NARS2: variants seen among roughly 807,000 people sequenced by gnomAD.
NARS2 encodes asparaginyl-tRNA synthetase.
Under a neutral mutation model 62.9 loss-of-function variants are expected in NARS2, and 60 were observed. That is an observed-to-expected ratio of 0.95 (90% CI 0.77 to 1.18). The LOEUF is 1.18. Ranked by LOEUF, NARS2 falls within the 50% of genes most tolerant of loss-of-function variation. The pLI, the probability that NARS2 is intolerant of heterozygous loss-of-function variation, is 0.00. For missense variants in NARS2, 619 were observed against 576.4 expected (o/e 1.07, Z -0.76); for synonymous variants, 196 against 200.0 (o/e 0.98, Z 0.17).
At chr11:78,546,226 G>A (rs147042031) in intron 5 of NARS2, among the ~76,000 whole-genome samples, 1,580 of 152,296 alleles carry the variant, frequency 0.01, 12 homozygotes, top group Middle Eastern at 0.044. Flanking sequence ...GTGTAGCCAG[G>A]TATCTCTGTC....
At chr11:78,462,219 G>T (rs543896635) in intron 11 of NARS2, among the ~76,000 whole-genome samples, 24 of 152,242 alleles carry the variant, frequency 1.6e-4, no homozygotes, top group African/African-American at 5.8e-4. Context: ...GAATTGGAAT[G>T]GGCTGGAGTG....
chr11:78,512,695 T>C (rs1860761433), intron 6 of NARS2, among the ~76,000 whole-genome samples: 1 of 152,228 alleles, frequency 6.6e-6, no homozygotes, highest in Admixed American at 6.5e-5. Flanking sequence ...CATAACATTA[T>C]CTTAGTAGCT....
At chr11:78,542,558 C>T (rs1342894169) in intron 5 of NARS2, among the ~76,000 whole-genome samples, 2 of 152,106 alleles carry the variant, frequency 1.3e-5, no homozygotes, top group African/African-American at 4.8e-5. Flanking sequence ...GAAGGGATAC[C>T]TATGCTCCAG....
intron 6 of NARS2, among the ~76,000 whole-genome samples, chr11:78,519,486 T>C (rs559704781): frequency 2.0e-5 from 3 of 152,340 alleles, no homozygotes; most frequent in East Asian, 3.9e-4. Context: ...AATATTGTTA[T>C]ATATTCTTCC....
At chr11:78,538,426 A>G (rs1855458944) in intron 5 of NARS2, among the ~76,000 whole-genome samples, 1 of 152,178 alleles carries the variant, frequency 6.6e-6, no homozygotes, top group African/African-American at 2.4e-5. Context: ...AATGGGGAAA[A>G]AAGAAAATAA....
chr11:78,557,880 T>G (rs951745783), intron 5 of NARS2, among the ~76,000 whole-genome samples: 1 of 150,058 alleles, frequency 6.7e-6, no homozygotes, highest in Non-Finnish European at 1.5e-5. Context: ...GCTTATGGGA[T>G]TTCCCTGGTA....
chr11:78,529,489 C>T (rs1275732333), intron 5 of NARS2, among the ~76,000 whole-genome samples: 1 of 152,066 alleles, frequency 6.6e-6, no homozygotes, highest in Non-Finnish European at 1.5e-5. Context: ...TTAAAAGATA[C>T]ACTGAGCAAC....
chr11:78,456,970 C>A (rs1858187410), intron 11 of NARS2, among the ~76,000 whole-genome samples: 1 of 152,210 alleles, frequency 6.6e-6, no homozygotes, highest in Non-Finnish European at 1.5e-5. Flanking sequence ...ACTTAGGCTA[C>A]AGGAAATCAG....
At chr11:78,482,699 T>C (rs747896376) in intron 7 of NARS2, among the ~76,000 whole-genome samples, 2 of 151,980 alleles carry the variant, frequency 1.3e-5, no homozygotes, top group Non-Finnish European at 2.9e-5. Context: ...CAGGAAGAAG[T>C]CCAATCCCTG....
intron 5 of NARS2, among the ~76,000 whole-genome samples, chr11:78,541,521 G>C (rs971080847): frequency 1.3e-5 from 2 of 151,924 alleles, no homozygotes; most frequent in East Asian, 3.9e-4. Flanking sequence ...TTTAATATTA[G>C]TCTCTCCTAA....
chr11:78,513,537 G>A (rs1860794777), intron 6 of NARS2, among the ~76,000 whole-genome samples: 1 of 151,992 alleles, frequency 6.6e-6, no homozygotes, highest in African/African-American at 2.4e-5. Context: ...CAGCACTTAG[G>A]GAAGCCGAGG....
intron 5 of NARS2, among the ~76,000 whole-genome samples, chr11:78,547,389 T>C (rs552120435): frequency 1.3e-5 from 2 of 152,150 alleles, no homozygotes; most frequent in South Asian, 4.1e-4. Context: ...CATACTATCA[T>C]GTAACAGGAA....
At chr11:78,508,893 TCA>T (rs1003592236) in intron 6 of NARS2, among the ~76,000 whole-genome samples, 1 of 151,808 alleles carries the variant, frequency 6.6e-6, no homozygotes, top group African/African-American at 2.4e-5. Context: ...GGTGGGAGGA[TCA>T]CTTGAGGCAC....
intron 11 of NARS2, among the ~76,000 whole-genome samples, chr11:78,463,764 TGAGA>T (rs781277689): frequency 6.6e-5 from 8 of 121,736 alleles, no homozygotes; most frequent in African/African-American, 1.6e-4. Flanking sequence ...GGTAAAGGGA[TGAGA>T]GAGACAAAAC....
intron 4 of NARS2, 37 bp from the exon 5 acceptor site, chr11:78,559,656 C>T (rs1378952467): frequency 1.4e-6 from 2 of 1,389,626 alleles, no homozygotes. Flanking sequence ...GATATTTGCA[C>T]ATTCAACAAT....
chr11:78,522,629 A>G (rs978863667), intron 6 of NARS2, among the ~76,000 whole-genome samples: 2 of 152,248 alleles, frequency 1.3e-5, no homozygotes, highest in African/African-American at 4.8e-5. Flanking sequence ...TGATGTAGAA[A>G]CAGAAGAATT....
intron 5 of NARS2, among the ~76,000 whole-genome samples, chr11:78,546,327 CA>C (rs946609372): frequency 6.6e-6 from 1 of 151,974 alleles, no homozygotes; most frequent in Non-Finnish European, 1.5e-5. Context: ...GGAGCCATTC[CA>C]AAAAAACAAA....
intron 3 of NARS2, 136 bp downstream of exon 3, chr11:78,568,496 G>T: frequency 9.2e-7 from 1 of 1,083,028 alleles, no homozygotes; most frequent in Non-Finnish European, 1.3e-6. Flanking sequence ...GCCTCTACAG[G>T]TCATATGGCT....
rs772881489 is a variant in NARS2, at chr11:78,528,821, A to G, written c.689+21T>C. The G allele has an allele frequency of 6.5e-6, 10 of 1,539,774 alleles. No individual in the cohort carries two copies. In the Admixed American group the frequency reaches 1.5e-4, roughly 23 times the overall value. ...CCAAACCATAATATATCAAAGCAAAAGAGAAAGGAAAATTTCATACCCTGA... is the reference window on the plus strand; with the variant it reads ...CCAAACCATAATATATCAAAGCAAAGGAGAAAGGAAAATTTCATACCCTGA... On this transcript the variant is annotated intron_variant, in intron 6 of 13. Transcript: ENST00000281038.
Sources: allele counts gnomAD v4.1 joint callset (sites outside exome capture counted in the v4.1 genomes callset), GRCh38; gene constraint gnomAD v4.1.1; transcripts MANE v1.5; gene names NCBI Gene and HGNC (gene_info 2026-07-23, HGNC 2026-07-21).